The following DNAJC10 variants were observed in gnomAD, a reference collection of about 807,000 sequenced individuals.
DNAJC10 encodes DnaJ heat shock protein family (Hsp40) member C10.
A neutral mutation model predicts 115.0 loss-of-function variants in DNAJC10; 101 were observed. The observed-to-expected ratio is 0.88, with a 90% confidence interval of 0.75 to 1.04. The LOEUF (loss-of-function observed/expected upper bound fraction) is 1.04. Among genes scored for constraint, DNAJC10 ranks in the 50% least tolerant of loss-of-function variants. The probability of loss-of-function intolerance (pLI) is 0.00; values close to 1 mark genes in which losing one functional copy is unlikely to be tolerated. For synonymous variants in DNAJC10, 307 were observed against 301.5 expected (o/e 1.02, Z -0.19); for missense variants, 981 against 928.8 (o/e 1.06, Z -0.73).
chr2:182,776,526 G>A (rs772870490), intron 23 of DNAJC10, among the ~76,000 whole-genome samples: 3 of 152,156 alleles, frequency 2.0e-5, no homozygotes, highest in Non-Finnish European at 4.4e-5. Flanking sequence ...GGCGAAAGGA[G>A]GACAAAATAG....
rs138142298 is a variant in DNAJC10, at chr2:182,739,920, A to G, written c.988-379A>G. 77 of 986,092 alleles carry G rather than the reference A, an allele frequency of 7.8e-5. No homozygotes were observed. In the East Asian group the frequency reaches 7.5e-3, roughly 96 times the overall value. 61.1% of individuals were successfully genotyped at this position (986,092 alleles called of 1,614,324 possible). On this transcript the variant is annotated intron_variant, in intron 11 of 23. Transcript: ENST00000264065. ...TTAAGTGAATGTGTAAAACATTGGCATTCTGTAAAACATGATTAGCATTAA... is the reference window on the plus strand; with the variant it reads ...TTAAGTGAATGTGTAAAACATTGGCGTTCTGTAAAACATGATTAGCATTAA...
chr2:182,748,057 G>A (rs1693916493), intron 14 of DNAJC10, among the ~76,000 whole-genome samples: 2 of 144,804 alleles, frequency 1.4e-5, no homozygotes, highest in South Asian at 4.5e-4. Flanking sequence ...TATTGAACCA[G>A]CCTTGCATCC....
At chr2:182,759,058 C>T in intron 20 of DNAJC10, 102 bp from the exon 21 acceptor site, 2 of 1,146,992 alleles carry the variant, frequency 1.7e-6, no homozygotes, top group Middle Eastern at 2.5e-4. Context: ...ATTGCCCTTC[C>T]TTGACATCAT....
intron 22 of DNAJC10, among the ~76,000 whole-genome samples, chr2:182,768,673 TC>T (rs750041388): frequency 1.3e-5 from 2 of 152,154 alleles, no homozygotes; most frequent in Non-Finnish European, 2.9e-5. Context: ...GCTGACCTGT[TC>T]CTTCCCCTGC....
chr2:182,775,932 G>T (rs1004171456), intron 23 of DNAJC10, among the ~76,000 whole-genome samples: 1 of 152,144 alleles, frequency 6.6e-6, no homozygotes, highest in African/African-American at 2.4e-5. Context: ...GTTAATGGTT[G>T]CCTGGGGCCG....
Position 182,794,390 on chromosome 2 carries a change from A to C in DNAJC10, c.*17258A>C, listed in dbSNP as rs1370466313. 6.6e-6 allele frequency: 1 copy of C among 152,234 alleles called. No individual in the cohort carries two copies. Among genetic ancestry groups the C allele is most frequent in the South Asian group, 2.1e-4 (1 of 4,836 alleles). The allele number at this position is 152,234 out of a possible 1,614,324, so 9.4% of individuals were successfully genotyped here. A position where few individuals can be genotyped will look rare whatever the true frequency, so the allele number is the denominator to read the frequency against. ...GAAATGTCATTCTAGATTTGATTCT[A>C]CTGTTTGTCTTTGCAGTGAGCTATG... is the stretch of plus-strand genomic sequence containing the variant. On this transcript the variant is annotated 3_prime_UTR_variant, in exon 24 of 24. Transcript: ENST00000264065.
chr2:182,794,069 A>C lies in DNAJC10; in HGVS notation c.*16937A>C, dbSNP rs926058085. ...TGAAACACCTCCTCCAAATGAAGGCATAAACAACAATGCATGGGGATCCAA... is the reference window on the plus strand; with the variant it reads ...TGAAACACCTCCTCCAAATGAAGGCCTAAACAACAATGCATGGGGATCCAA... On this transcript the variant is annotated 3_prime_UTR_variant, in exon 24 of 24. Transcript: ENST00000264065. 2 of 152,226 alleles carry C rather than the reference A, an allele frequency of 1.3e-5. No homozygotes were observed. The highest frequency in any genetic ancestry group is 2.9e-5 in the Non-Finnish European group (2 of 68,052). The allele number at this position is 152,226 out of a possible 1,614,324, so 9.4% of individuals were successfully genotyped here. A position where few individuals can be genotyped will look rare whatever the true frequency, so the allele number is the denominator to read the frequency against.
chr2:182,754,846 T>G, intron 16 of DNAJC10, 157 bp from the exon 17 acceptor site: 1 of 1,364,126 alleles, frequency 7.3e-7, no homozygotes, highest in Non-Finnish European at 9.7e-7. Flanking sequence ...CCATAAGTCC[T>G]TTGCTAAATT....
At chr2:182,748,063 C>A (rs1693916635) in intron 14 of DNAJC10, among the ~76,000 whole-genome samples, 1 of 145,214 alleles carries the variant, frequency 6.9e-6, no homozygotes, top group Admixed American at 6.8e-5. Flanking sequence ...ACCAGCCTTG[C>A]ATCCCAGGGA....
At chr2:182,719,104 A>G (rs1693075676) in intron 3 of DNAJC10, among the ~76,000 whole-genome samples, 1 of 151,872 alleles carries the variant, frequency 6.6e-6, no homozygotes, top group African/African-American at 2.4e-5. Flanking sequence ...TTAAAATTTC[A>G]AATAATGATT....
chr2:182,716,508 C>T (rs1301032578), intron 1 of DNAJC10, 25 bp downstream of exon 1: 1 of 152,574 alleles, frequency 6.6e-6, no homozygotes, highest in African/African-American at 2.4e-5. Context: ...GGGGCTAGGG[C>T]TTTGCTGGAG....
chr2:182,735,142 T>G (rs1693552716), intron 10 of DNAJC10, among the ~76,000 whole-genome samples: 1 of 151,814 alleles, frequency 6.6e-6, no homozygotes, highest in African/African-American at 2.4e-5. Flanking sequence ...AGCAAGTGAT[T>G]TTTAAAATTT....
intron 9 of DNAJC10, 79 bp downstream of exon 9, chr2:182,731,186 A>G: frequency 1.0e-6 from 1 of 1,002,588 alleles, no homozygotes; most frequent in Non-Finnish European, 1.5e-6. Context: ...ATGCTACTGT[A>G]ATTGATTATT....
intron 16 of DNAJC10, among the ~76,000 whole-genome samples, chr2:182,753,708 G>T (rs946204011): frequency 1.3e-5 from 2 of 149,146 alleles, no homozygotes; most frequent in Non-Finnish European, 3.0e-5. Context: ...TTAGCCTGCC[G>T]AGTAGGTGGG....
chr2:182,718,413 T>C, intron 3 of DNAJC10, 123 bp downstream of exon 3: 1 of 819,624 alleles, frequency 1.2e-6, no homozygotes, highest in Non-Finnish European at 1.8e-6. Context: ...ATAATTCAAC[T>C]TGTATGCTAG....
At chr2:182,720,581 A>C (rs1693125399) in intron 4 of DNAJC10, among the ~76,000 whole-genome samples, 1 of 152,146 alleles carries the variant, frequency 6.6e-6, no homozygotes, top group African/African-American at 2.4e-5. Context: ...CAGCAGTAAC[A>C]TGCTGTACAG....
intron 14 of DNAJC10, among the ~76,000 whole-genome samples, chr2:182,749,906 A>G (rs1693972256): frequency 6.6e-6 from 1 of 152,166 alleles, no homozygotes; most frequent in Non-Finnish European, 1.5e-5. Context: ...GGTCATCTGA[A>G]GTCTAGACTG....
chr2:182,785,009 A>G lies in DNAJC10; in HGVS notation c.*7877A>G, dbSNP rs1452173061. ...GTTTTCACTAAAAATATCCTGAATTATCAGTCAGTTATGTTTGACTATGAG... is the reference window on the plus strand; with the variant it reads ...GTTTTCACTAAAAATATCCTGAATTGTCAGTCAGTTATGTTTGACTATGAG... On this transcript the variant is annotated 3_prime_UTR_variant, in exon 24 of 24. Coordinates refer to ENST00000264065, the MANE Select transcript of DNAJC10 (RefSeq NM_018981.4). The G allele has an allele frequency of 2.0e-5, 3 of 152,246 alleles. No homozygotes were observed. Among genetic ancestry groups the G allele is most frequent in the Non-Finnish European group, 2.9e-5 (2 of 68,042 alleles). The allele number at this position is 152,246 out of a possible 1,614,324, so 9.4% of individuals were successfully genotyped here. A position where few individuals can be genotyped will look rare whatever the true frequency, so the allele number is the denominator to read the frequency against.
At position 182,780,010 on chromosome 2, in the gene DNAJC10, GATTAA is replaced by G. The variant is rs950236116; in HGVS notation, c.*2884_*2888del. 8.5e-5 allele frequency: 13 copies of G among 152,196 alleles called. No individual in the cohort carries two copies. The highest frequency in any genetic ancestry group is 2.9e-4 in the African/African-American group (12 of 41,534). 9.4% of individuals were successfully genotyped at this position (152,196 alleles called of 1,614,324 possible). On this transcript the variant is annotated 3_prime_UTR_variant, in exon 24 of 24. Coordinates refer to ENST00000264065, the MANE Select transcript of DNAJC10 (RefSeq NM_018981.4). ...TTGTGACTGTTAAGAAATAATAAAA[GATTAA>G]ATTAACAAAATGCATTTTAAATTTT...
Sources: allele counts gnomAD v4.1 joint callset (sites outside exome capture counted in the v4.1 genomes callset), GRCh38; gene constraint gnomAD v4.1.1; transcripts MANE v1.5; gene names NCBI Gene and HGNC (gene_info 2026-07-23, HGNC 2026-07-21).